Variants in LDLRAD4 observed in about 807,000 individuals in gnomAD.
LDLRAD4 encodes the protein low-density lipoprotein receptor class A domain-containing protein 4.
A neutral mutation model predicts 17.0 loss-of-function variants in LDLRAD4; 5 were observed. The ratio of observed to expected loss-of-function variants is 0.29; its 90% confidence interval spans 0.15 to 0.62. The LOEUF is 0.62. LDLRAD4 is among the 20% of genes least tolerant of loss of function. LDLRAD4 has a pLI of 0.84. For missense variants in LDLRAD4, 340 were observed against 424.7 expected (o/e 0.80, Z 1.75); for synonymous variants, 168 against 171.8 (o/e 0.98, Z 0.17).
chr18:13,426,779 A>T (rs1458965935), intron 2 of LDLRAD4, among the ~76,000 whole-genome samples: 1 of 152,238 alleles, frequency 6.6e-6, no homozygotes, highest in African/African-American at 2.4e-5. Context: ...CCTGCCATCC[A>T]TAAAAGAGGT....
intron 3 of LDLRAD4, among the ~76,000 whole-genome samples, chr18:13,546,953 CA>C (rs1244355112): frequency 6.6e-6 from 1 of 152,186 alleles, no homozygotes; most frequent in Non-Finnish European, 1.5e-5. Context: ...TTTTCATTTA[CA>C]ACACTTGAGA....
intron 1 of LDLRAD4, among the ~76,000 whole-genome samples, chr18:13,334,395 G>A (rs1840267): frequency 0.38 from 57,663 of 151,834 alleles, 11,869 homozygotes; most frequent in African/African-American, 0.55. Context: ...GTGCCAGCAC[G>A]CCTGGCTAAT....
intron 3 of LDLRAD4, among the ~76,000 whole-genome samples, chr18:13,443,705 G>A (rs1370540812): frequency 6.8e-6 from 1 of 146,388 alleles, no homozygotes; most frequent in East Asian, 2.3e-4. Flanking sequence ...CGTCGTCGTC[G>A]TCGTCTCCTC....
At chr18:13,448,637 G>A (rs1254624830) in intron 3 of LDLRAD4, among the ~76,000 whole-genome samples, 1 of 152,064 alleles carries the variant, frequency 6.6e-6, no homozygotes, top group Non-Finnish European at 1.5e-5. Context: ...AGGTAAAGAT[G>A]AGATTGGGGG....
rs573840852 is a variant in LDLRAD4 at position 13,433,002 on chromosome 18, C to T, written c.41-5242C>T. 3.9e-5 allele frequency among the ~76,000 whole-genome samples: 6 copies of T among 152,352 alleles called. No individual in the cohort carries two copies. The South Asian group carries it at 8.3e-4, about 21-fold the overall frequency. ...AAAGTTCTGGGATTACAGGTGTGAACCACTATGCCCAGCCTGAATTTTCCT... is the reference window on the plus strand; with the variant it reads ...AAAGTTCTGGGATTACAGGTGTGAATCACTATGCCCAGCCTGAATTTTCCT... On this transcript the variant is annotated intron_variant, in intron 2 of 5. Coordinates refer to ENST00000359446, the Ensembl canonical transcript of LDLRAD4.
chr18:13,591,240 A>G (rs889206381), intron 3 of LDLRAD4, among the ~76,000 whole-genome samples: 1 of 152,222 alleles, frequency 6.6e-6, no homozygotes, highest in African/African-American at 2.4e-5. Flanking sequence ...TGATTGGTCT[A>G]AATTGAAGAC....
chr18:13,527,313 G>A (rs1288863231), intron 3 of LDLRAD4, among the ~76,000 whole-genome samples: 2 of 152,224 alleles, frequency 1.3e-5, no homozygotes, highest in Admixed American at 6.5e-5. Flanking sequence ...CAGGGTTGTC[G>A]CTTGGCATAT....
At chr18:13,546,128 TC>T (rs2094358528) in intron 3 of LDLRAD4, among the ~76,000 whole-genome samples, 1 of 152,016 alleles carries the variant, frequency 6.6e-6, no homozygotes, top group East Asian at 1.9e-4. Flanking sequence ...GTGGTAAAAG[TC>T]AACAACAGTT....
At chr18:13,344,723 G>A (rs1434008181) in intron 1 of LDLRAD4, among the ~76,000 whole-genome samples, 1 of 152,184 alleles carries the variant, frequency 6.6e-6, no homozygotes, top group Non-Finnish European at 1.5e-5. Context: ...AGCATGGAAT[G>A]TTCTTCCATT....
intron 1 of LDLRAD4, among the ~76,000 whole-genome samples, chr18:13,252,537 T>C (rs1223751565): frequency 6.6e-6 from 1 of 152,168 alleles, no homozygotes; most frequent in Non-Finnish European, 1.5e-5. Flanking sequence ...CAGGCAGCCT[T>C]TGATGCACAA....
chr18:13,306,918 C>G (rs1284798248), intron 1 of LDLRAD4, among the ~76,000 whole-genome samples: 1 of 152,132 alleles, frequency 6.6e-6, no homozygotes, highest in African/African-American at 2.4e-5. Flanking sequence ...GAGGAATTAA[C>G]ACAGGACGAC....
chr18:13,516,935 G>A (rs970964174), intron 3 of LDLRAD4, among the ~76,000 whole-genome samples: 3 of 152,060 alleles, frequency 2.0e-5, no homozygotes, highest in Non-Finnish European at 2.9e-5. Context: ...CTGCAGCCTC[G>A]AACTCCTAAC....
At chr18:13,221,932 C>A (rs547693852) in intron 1 of LDLRAD4, among the ~76,000 whole-genome samples, 1 of 152,180 alleles carries the variant, frequency 6.6e-6, no homozygotes, top group Non-Finnish European at 1.5e-5. Flanking sequence ...AAATGGTTGA[C>A]TTTTCTAGAA....
At position 13,311,895 on chromosome 18, in the gene LDLRAD4, G is replaced by A. The variant is rs142277732; in HGVS notation, c.-383+33707G>A. The stretch of plus-strand genomic sequence containing the variant: ...TGCCCAGGCTGGAGTGCAGTGGTGC[G>A]ATCTTGGCTCACTGCAAGCCTCCCC... On this transcript the variant is annotated intron_variant, in intron 1 of 5. Coordinates refer to ENST00000359446, the Ensembl canonical transcript of LDLRAD4. Among the ~76,000 whole-genome samples the A allele has an allele frequency of 9.5e-3, 1,433 of 150,268 alleles. 16 individuals are homozygous for A. The highest frequency in any genetic ancestry group is 0.016 in the Non-Finnish European group (1,089 of 67,762).
intron 1 of LDLRAD4, among the ~76,000 whole-genome samples, chr18:13,355,907 G>A (rs2083308935): frequency 6.6e-6 from 1 of 152,218 alleles, no homozygotes; most frequent in African/African-American, 2.4e-5. Flanking sequence ...CTAGGATTAA[G>A]GCATGAGCCT....
intron 1 of LDLRAD4, among the ~76,000 whole-genome samples, chr18:13,380,666 T>TG (rs1198035684): frequency 6.6e-6 from 1 of 152,258 alleles, no homozygotes; most frequent in Non-Finnish European, 1.5e-5. Flanking sequence ...TATCAAGTGT[T>TG]GGATTTGTCA....
At chr18:13,536,089 C>G (rs2094197466) in intron 3 of LDLRAD4, among the ~76,000 whole-genome samples, 1 of 152,132 alleles carries the variant, frequency 6.6e-6, no homozygotes, top group South Asian at 2.1e-4. Context: ...TTAAGTTCTC[C>G]AACCTTATCC....
chr18:13,388,880 C>T (rs1277703197), intron 2 of LDLRAD4, among the ~76,000 whole-genome samples: 1 of 152,250 alleles, frequency 6.6e-6, no homozygotes, highest in Non-Finnish European at 1.5e-5. Flanking sequence ...TAGTCTGTGA[C>T]ATGGGGTCTC....
chr18:13,392,105 C>T (rs1487774764), intron 2 of LDLRAD4, among the ~76,000 whole-genome samples: 1 of 152,232 alleles, frequency 6.6e-6, no homozygotes, highest in Non-Finnish European at 1.5e-5. Flanking sequence ...AATTAAATTT[C>T]CAGAAGGATT....
Sources: gnomAD v4.1 joint callset for allele counts (sites outside exome capture counted in the v4.1 genomes callset) on GRCh38, gnomAD v4.1.1 for gene constraint, MANE v1.5 for transcripts, NCBI Gene and HGNC (gene_info 2026-07-23, HGNC 2026-07-21) for gene names.